Variants in GCSAML observed in about 807,000 individuals in gnomAD.
GCSAML encodes germinal center-associated signaling and motility-like protein.
A neutral mutation model predicts 13.0 loss-of-function variants in GCSAML; 9 were observed. The observed-to-expected ratio is 0.69, with a 90% CI of 0.42 to 1.21. The LOEUF is 1.21. Ranked by LOEUF, GCSAML falls within the 50% of genes most tolerant of loss-of-function variation. The pLI is 0.00. For missense variants in GCSAML, 143 were observed against 153.4 expected, an observed-to-expected ratio of 0.93 and a Z score of 0.36; for synonymous variants, 37 against 52.9, an observed-to-expected ratio of 0.70 and a Z score of 1.31.
chr1:247,567,951 TG>T (rs1399518107), intron 4 of GCSAML, among the ~76,000 whole-genome samples: 1 of 152,234 alleles, frequency 6.6e-6, no homozygotes, highest in Non-Finnish European at 1.5e-5. Context: ...TTTTTTCTTA[TG>T]TTTTTTGGCT....
intron 1 of GCSAML, among the ~76,000 whole-genome samples, chr1:247,511,207 T>C (rs887907253): frequency 6.6e-6 from 1 of 152,216 alleles, no homozygotes; most frequent in Admixed American, 6.5e-5. Context: ...CGCTCCTATA[T>C]TGGGTGCATA....
At chr1:247,565,884 C>T in intron 3 of GCSAML, 47 bp from the exon 4 acceptor site, 1 of 1,473,132 alleles carries the variant, frequency 6.8e-7, no homozygotes, top group Non-Finnish European at 9.2e-7. Flanking sequence ...GCAAAAGTCT[C>T]ACAGTGCTTT....
upstream of GCSAML, among the ~76,000 whole-genome samples, chr1:247,547,487 G>C (rs541358118): frequency 6.6e-6 from 1 of 152,200 alleles, no homozygotes; most frequent in African/African-American, 2.4e-5. Context: ...AACTAACATG[G>C]AGCTACTTAC....
upstream of GCSAML, among the ~76,000 whole-genome samples, chr1:247,548,748 T>C (rs780181056): frequency 3.3e-5 from 5 of 152,234 alleles, no homozygotes; most frequent in Non-Finnish European, 5.9e-5. This position sits in a 1 kb window ranked among gnomAD's most constrained non-coding sequence, Gnocchi z 5.3. Context: ...TAATCACTTT[T>C]ATTCCAGCAA....
At chr1:247,508,287 A>G (rs1418462933) in intron 1 of GCSAML, among the ~76,000 whole-genome samples, 1 of 151,986 alleles carries the variant, frequency 6.6e-6, no homozygotes, top group Non-Finnish European at 1.5e-5. Context: ...TTTTTTTCAT[A>G]TGTTTGATGG....
At chr1:247,535,063 G>C (rs1667161795) in intron 2 of GCSAML, among the ~76,000 whole-genome samples, 1 of 152,116 alleles carries the variant, frequency 6.6e-6, no homozygotes, top group Admixed American at 6.5e-5. Context: ...TGTATTCCTA[G>C]CACTTTGGGA....
chr1:247,541,040 T>G (rs1399231139), intron 2 of GCSAML, among the ~76,000 whole-genome samples: 2 of 152,214 alleles, frequency 1.3e-5, no homozygotes, highest in East Asian at 3.8e-4. Context: ...GACACAAATA[T>G]TCTTTTAAGT....
chr1:247,560,543 C>T (rs1003310653), intron 2 of GCSAML, among the ~76,000 whole-genome samples: 10 of 152,044 alleles, frequency 6.6e-5, no homozygotes, highest in South Asian at 6.2e-4. Context: ...TTCCCTACCC[C>T]CACCCCCAAA....
At chr1:247,549,557 G>T (rs1312708283) in intron 1 of GCSAML, among the ~76,000 whole-genome samples, 1 of 151,914 alleles carries the variant, frequency 6.6e-6, no homozygotes, top group Non-Finnish European at 1.5e-5. Context: ...GTTATTCATT[G>T]TTTATCTGAA....
chr1:247,546,693 T>C (rs1455460434), upstream of GCSAML, among the ~76,000 whole-genome samples: 1 of 152,020 alleles, frequency 6.6e-6, no homozygotes, highest in Non-Finnish European at 1.5e-5. Flanking sequence ...TTTTATGGCA[T>C]GATAACACTT....
At position 247,577,098 on chromosome 1, in the gene GCSAML, C is replaced by A. The variant is rs1024201461; in HGVS notation, c.*2716C>A. 2 of 152,094 alleles carry A rather than the reference C, an allele frequency of 1.3e-5. No individual in the cohort carries two copies. Among genetic ancestry groups the A allele is most frequent in the African/African-American group, 4.8e-5 (2 of 41,430 alleles). The allele number at this position is 152,094 out of a possible 1,614,324, so 9.4% of individuals were successfully genotyped here. On this transcript the variant is annotated 3_prime_UTR_variant, in exon 5 of 5. Transcript: ENST00000366488. ...AGCAGGATTTAAGAAATGTAACTAT[C>A]TTATGTGGTTATGAAGAACAATAGA...
At chr1:247,573,136 C>A (rs1184449871) in intron 4 of GCSAML, among the ~76,000 whole-genome samples, 2 of 152,196 alleles carry the variant, frequency 1.3e-5, no homozygotes. Flanking sequence ...CTGAGCAAGA[C>A]CACTTGGCTC....
chr1:247,511,007 T>C (rs1435760015), intron 1 of GCSAML, among the ~76,000 whole-genome samples: 2 of 152,216 alleles, frequency 1.3e-5, no homozygotes, highest in Non-Finnish European at 2.9e-5. Flanking sequence ...TAGATGTCTA[T>C]CAGGTCCGCT....
chr1:247,563,523 T>C, intron 2 of GCSAML, 67 bp from the exon 3 acceptor site: 1 of 263,578 alleles, frequency 3.8e-6, no homozygotes, highest in East Asian at 3.7e-5. Context: ...CCAAATGCTT[T>C]TTTTGAAAGG....
Position 247,574,343 on chromosome 1 carries a change from C to A in GCSAML, c.369C>A (p.Cys123Ter), listed in dbSNP as rs767843290. 6.2e-7 allele frequency: 1 copy of A among 1,613,962 alleles called. No individual in the cohort carries two copies. Among genetic ancestry groups the A allele is most frequent in the Non-Finnish European group, 8.5e-7 (1 of 1,179,988 alleles). ...LRTSVSRPCS[C>*]THEHDYEVVF... ...CTTCTGTTAGTAGGCCTTGTTCCTG[C>A]ACCCATGAGCATGATTATGAAGTTG... Residue 123 changes from cysteine to a stop codon, truncating the protein, a stop_gained, in exon 5 of 5, where the codon TGC (cysteine) becomes TGA (stop). Transcript: ENST00000366488. LOFTEE classifies it high-confidence loss of function.
At chr1:247,549,479 T>G (rs892428754) in intron 1 of GCSAML, among the ~76,000 whole-genome samples, 1 of 152,222 alleles carries the variant, frequency 6.6e-6, no homozygotes, top group African/African-American at 2.4e-5. Flanking sequence ...AAACATTTTT[T>G]TTTTTAGTAT....
chr1:247,524,712 T>C (rs1166396885), intron 1 of GCSAML: 1 of 152,016 alleles, frequency 6.6e-6, no homozygotes, highest in East Asian at 1.9e-4. Flanking sequence ...TTAATACATA[T>C]AACATTTAAA....
At chr1:247,550,561 C>T (rs1460574563) in intron 1 of GCSAML, among the ~76,000 whole-genome samples, 2 of 151,942 alleles carry the variant, frequency 1.3e-5, no homozygotes, top group South Asian at 2.1e-4. Flanking sequence ...GGCGTGAACC[C>T]GGGAGGCGGA....
chr1:247,545,804 A>G (rs1667547648), upstream of GCSAML, among the ~76,000 whole-genome samples: 1 of 152,178 alleles, frequency 6.6e-6, no homozygotes, highest in Non-Finnish European at 1.5e-5. Context: ...CCCTTATTAA[A>G]TATACGGTTT....
Sources: allele counts gnomAD v4.1 joint callset (sites outside exome capture counted in the v4.1 genomes callset), GRCh38; gene constraint gnomAD v4.1.1; non-coding constraint Gnocchi (gnomAD v3.1); transcripts MANE v1.5; gene names NCBI Gene and HGNC (gene_info 2026-07-23, HGNC 2026-07-21).